Variants in ZNF722 observed in about 807,000 individuals in gnomAD.
ZNF722 encodes zinc finger protein 722, also known as zinc finger protein 479 pseudogene.
chr7:64,011,464 C>T, the ZNF722 span, among the ~76,000 whole-genome samples: 6 of 152,138 alleles, frequency 3.9e-5, no homozygotes, highest in African/African-American at 1.4e-4. Context: ...AATCTCTCAG[C>T]ATTTGCTTGT....
chr7:64,015,435 C>T, the ZNF722 span: 45 of 1,594,212 alleles, frequency 2.8e-5, no homozygotes, highest in Admixed American at 1.2e-4. Context: ...ATCCTTTAAA[C>T]GCTCCTCAAA....
At chr7:64,016,564 CTTA>C in the ZNF722 span, among the ~76,000 whole-genome samples, 1 of 152,050 alleles carries the variant, frequency 6.6e-6, no homozygotes, top group East Asian at 1.9e-4. Context: ...GTCTTGAACC[CTTA>C]TTATACATAA....
chr7:64,006,193 T>C, the ZNF722 span: 1 of 1,115,978 alleles, frequency 9.0e-7, no homozygotes. Flanking sequence ...TTCAGCAAGA[T>C]TTATCTTACT....
At chr7:64,005,141 A>T in the ZNF722 span, among the ~76,000 whole-genome samples, 1 of 152,148 alleles carries the variant, frequency 6.6e-6, no homozygotes, top group Non-Finnish European at 1.5e-5. Flanking sequence ...TCTACTAAAA[A>T]TACAAAAATC....
the ZNF722 span, among the ~76,000 whole-genome samples, chr7:64,008,271 G>C: frequency 2.8e-4 from 43 of 152,162 alleles, 1 homozygote; most frequent in South Asian, 6.8e-3. Context: ...GTCCATTTTG[G>C]CTTTTGTTGC....
At chr7:64,016,048 T>C in the ZNF722 span, 1 of 689,970 alleles carries the variant, frequency 1.4e-6, no homozygotes, top group Non-Finnish European at 2.3e-6. Context: ...AATAAGAGAA[T>C]CCATATTGGA....
chr7:64,004,066 A>ATCTGCACCTT, the ZNF722 span, among the ~76,000 whole-genome samples: 1 of 152,142 alleles, frequency 6.6e-6, no homozygotes, highest in South Asian at 2.1e-4. Context: ...CAGGGAAGTT[A>ATCTGCACCTT]TCTGCACCTT....
At chr7:64,012,678 T>G in the ZNF722 span, among the ~76,000 whole-genome samples, 1 of 152,216 alleles carries the variant, frequency 6.6e-6, no homozygotes. Flanking sequence ...ATAAGAATAT[T>G]GTGTATCCAC....
the ZNF722 span, among the ~76,000 whole-genome samples, chr7:63,999,592 G>T: frequency 2.6e-5 from 4 of 152,186 alleles, no homozygotes; most frequent in Non-Finnish European, 5.9e-5. Context: ...TTATTTGTAA[G>T]ATCCAGGTGA....
At chr7:64,015,760 G>C in the ZNF722 span, 1 of 1,608,966 alleles carries the variant, frequency 6.2e-7, no homozygotes, top group African/African-American at 1.4e-5. Flanking sequence ...GAATGTGGCA[G>C]AGCCTTTAAC....
At chr7:64,009,352 C>G in the ZNF722 span, among the ~76,000 whole-genome samples, 1 of 152,128 alleles carries the variant, frequency 6.6e-6, no homozygotes, top group African/African-American at 2.4e-5. Context: ...CAGTTTTTGC[C>G]CGTTCAGTAT....
At chr7:64,006,222 A>T in the ZNF722 span, 2 of 1,249,432 alleles carry the variant, frequency 1.6e-6, no homozygotes, top group Non-Finnish European at 2.2e-6. Context: ...TTAATAAAAC[A>T]GGTATTGCTG....
the ZNF722 span, among the ~76,000 whole-genome samples, chr7:64,000,538 G>C: frequency 3.2e-5 from 4 of 125,238 alleles, no homozygotes; most frequent in Non-Finnish European, 6.4e-5. Context: ...GCAACCTCTG[G>C]CTTTCGGGTT....
the ZNF722 span, among the ~76,000 whole-genome samples, chr7:64,013,367 G>T: frequency 6.6e-6 from 1 of 151,720 alleles, no homozygotes; most frequent in African/African-American, 2.4e-5. Flanking sequence ...CCTAGTAAAT[G>T]GACTCATTTT....
At chr7:64,016,029 T>G in the ZNF722 span, 1 of 768,886 alleles carries the variant, frequency 1.3e-6, no homozygotes, top group Non-Finnish European at 2.0e-6. Context: ...GTTCCAAACC[T>G]TAATAGAAAA....
chr7:64,010,857 C>G, the ZNF722 span, among the ~76,000 whole-genome samples: 1 of 151,998 alleles, frequency 6.6e-6, no homozygotes, highest in South Asian at 2.1e-4. Flanking sequence ...TAAAGTCTCC[C>G]GATATTATTG....
At chr7:64,017,967 C>A in the ZNF722 span, among the ~76,000 whole-genome samples, 54 of 152,208 alleles carry the variant, frequency 3.5e-4, 1 homozygote, top group Admixed American at 2.4e-3. Flanking sequence ...AGTATTTGAT[C>A]AATTGTTGCA....
At chr7:64,000,436 C>CT in the ZNF722 span, among the ~76,000 whole-genome samples, 111 of 23,660 alleles carry the variant, frequency 4.7e-3, 23 homozygotes, top group African/African-American at 6.9e-3. Flanking sequence ...CATGCCCGGC[C>CT]TTTTTTTTTT....
the ZNF722 span, among the ~76,000 whole-genome samples, chr7:64,002,084 C>T: frequency 3.6e-4 from 54 of 151,976 alleles, no homozygotes; most frequent in African/African-American, 1.3e-3. Flanking sequence ...GGATTCACCA[C>T]GTTGGCCAGG....
Sources: allele counts gnomAD v4.1 joint callset (sites outside exome capture counted in the v4.1 genomes callset), GRCh38; gene constraint gnomAD v4.1.1; transcripts MANE v1.5; gene names NCBI Gene and HGNC (gene_info 2026-07-23, HGNC 2026-07-21).